The following SLC4A5 variants were observed in gnomAD, a reference collection of about 807,000 sequenced individuals.
SLC4A5 encodes the protein solute carrier family 4 member 5.
In SLC4A5, 96 loss-of-function variants were observed where a neutral mutation model predicts 120.4. The ratio of observed to expected loss-of-function variants is 0.80; its 90% CI spans 0.68 to 0.94. The LOEUF (loss-of-function observed/expected upper bound fraction) is 0.94. SLC4A5 is among the 40% of genes least tolerant of loss of function. The pLI is 0.00. For synonymous variants in SLC4A5, 550 were observed against 571.1 expected (o/e 0.96, Z 0.53); for missense variants, 1,259 against 1,459.5 (o/e 0.86, Z 2.24).
At chr2:74,264,796 C>T (rs1368030721) in intron 9 of SLC4A5, among the ~76,000 whole-genome samples, 1 of 152,116 alleles carries the variant, frequency 6.6e-6, no homozygotes, top group African/African-American at 2.4e-5. Flanking sequence ...CCATTTTACC[C>T]TGAAAAGAAA....
chr2:74,275,880 C>A (rs1318231359), intron 8 of SLC4A5, among the ~76,000 whole-genome samples: 1 of 152,190 alleles, frequency 6.6e-6, no homozygotes, highest in Non-Finnish European at 1.5e-5. Flanking sequence ...CAAGGTCATG[C>A]AGCTCATAAG....
chr2:74,264,731 C>T (rs1167184219), intron 9 of SLC4A5, among the ~76,000 whole-genome samples: 1 of 152,108 alleles, frequency 6.6e-6, no homozygotes, highest in Non-Finnish European at 1.5e-5. Flanking sequence ...CAAGCCAACT[C>T]CTCCCTTCGA....
At chr2:74,226,341 C>T (rs915480589) in intron 27 of SLC4A5, among the ~76,000 whole-genome samples, 4 of 152,190 alleles carry the variant, frequency 2.6e-5, no homozygotes, top group East Asian at 1.9e-4. Context: ...TCACTGCCCT[C>T]GGTGAGTTAT....
At chr2:74,233,280 T>C (rs1004324198) in intron 23 of SLC4A5, 122 bp downstream of exon 23, 24 of 1,167,228 alleles carry the variant, frequency 2.1e-5, no homozygotes, top group Non-Finnish European at 3.0e-5. Flanking sequence ...GTGGGAACTC[T>C]AGTCTCTGTC....
chr2:74,239,352 G>A lies in SLC4A5; in HGVS notation c.2302C>T (p.Arg768Cys), dbSNP rs79071735. Reference sequence around the variant, plus strand: ...GAGCTTACCTTGGTAGGAAAATAGCGGCTGAATTTGAACTTCTTCAGGGTC... The same window carrying A: ...GAGCTTACCTTGGTAGGAAAATAGCAGCTGAATTTGAACTTCTTCAGGGTC... Residue 768 changes from arginine to cysteine, a missense_variant, in exon 21 of 31, where the codon CGC becomes TGC. Physicochemically the swap from Arg to Cys is radical, Grantham distance 180. Transcript: ENST00000394019. 1.0e-4 allele frequency: 167 copies of A among 1,614,156 alleles called. No homozygotes were observed. Among genetic ancestry groups the A allele is most frequent in the South Asian group, 2.5e-4 (23 of 91,080 alleles).
intron 4 of SLC4A5, among the ~76,000 whole-genome samples, chr2:74,333,256 T>A (rs527492999): frequency 3.2e-4 from 48 of 152,250 alleles, no homozygotes; most frequent in African/African-American, 1.1e-3. Flanking sequence ...ACCCCAACTA[T>A]CAATGGTGCC....
intron 19 of SLC4A5, among the ~76,000 whole-genome samples, chr2:74,243,101 G>A (rs753397347): frequency 6.6e-6 from 1 of 152,216 alleles, no homozygotes; most frequent in African/African-American, 2.4e-5. Context: ...GCTGCTCTCA[G>A]CGGCTCTCTC....
In SLC4A5 at chr2:74,239,591, T is replaced by C. The variant is rs146761096; in HGVS notation, c.2119-56A>G. On this transcript the variant is annotated intron_variant, in intron 20 of 30. Transcript: ENST00000394019. ...CAGCATCTTCCTGATGAGTCAGCTG[T>C]GTCCTTCCCACTGCAGTCCCCAGGC... 2.9e-4 allele frequency: 449 copies of C among 1,569,780 alleles called. 1 individual carries two copies. The highest frequency in any genetic ancestry group is 2.7e-3 in the Middle Eastern group (13 of 4,756).
rs886401250 is a variant in SLC4A5, at chr2:74,328,160, G to A, written c.-43C>T. 4.1e-6 allele frequency: 4 copies of A among 985,762 alleles called. No individual in the cohort carries two copies. In the African/African-American group the frequency reaches 7.0e-5, roughly 17 times the overall value. 61.1% of individuals were successfully genotyped at this position (985,762 alleles called of 1,614,324 possible). A position where few individuals can be genotyped will look rare whatever the true frequency, so the allele number is the denominator to read the frequency against. ...TCTGGAAACCAGGATCCAAATCCCAGGGAGGCCAGAACCACTTGCTCTGTT... is the reference window on the plus strand; with the variant it reads ...TCTGGAAACCAGGATCCAAATCCCAAGGAGGCCAGAACCACTTGCTCTGTT... On this transcript the variant is annotated 5_prime_UTR_variant, in exon 5 of 31. Coordinates refer to ENST00000394019, the Ensembl canonical transcript of SLC4A5.
chr2:74,252,269 C>T, exon 16 of SLC4A5: 1 of 1,608,100 alleles, frequency 6.2e-7, no homozygotes, highest in Non-Finnish European at 8.5e-7. Flanking sequence ...CCCGCCACTG[C>T]CAGCCCCGCC....
At chr2:74,222,913 C>G (rs1346053543) in exon 29 of SLC4A5, 1 of 1,613,444 alleles carries the variant, frequency 6.2e-7, no homozygotes, top group Non-Finnish European at 8.5e-7. Flanking sequence ...TGGACACTTT[C>G]CATGGGAATC....
At chr2:74,290,261 T>C (rs1432593549) in intron 7 of SLC4A5, 1 of 985,452 alleles carries the variant, frequency 1.0e-6, no homozygotes, top group Non-Finnish European at 1.2e-6. Context: ...CTGGAACAGC[T>C]GAGCGCTGGG....
At position 74,259,656 on chromosome 2, in the gene SLC4A5, G is replaced by A. The variant is rs747827399; in HGVS notation, c.812-13C>T. The A allele has an allele frequency of 8.1e-6, 13 of 1,614,122 alleles. No homozygotes were observed. Among genetic ancestry groups the A allele is most frequent in the Non-Finnish European group, 1.1e-5 (13 of 1,179,998 alleles). On this transcript the variant is annotated splice_polypyrimidine_tract_variant and intron_variant, in intron 11 of 30. Coordinates refer to ENST00000394019, the Ensembl canonical transcript of SLC4A5. ...CTCTGGGCATGACCTAGGAGAAAAG[G>A]AAAAGAAGATCCATCAGGGGAAGCC...
chr2:74,262,437 C>T (rs1289058570), intron 10 of SLC4A5, among the ~76,000 whole-genome samples: 1 of 150,294 alleles, frequency 6.7e-6, no homozygotes, highest in Non-Finnish European at 1.5e-5. Context: ...CGATGGCTCA[C>T]GCCTGTAATC....
At chr2:74,230,415 G>A (rs1034580834) in intron 25 of SLC4A5, among the ~76,000 whole-genome samples, 1 of 152,118 alleles carries the variant, frequency 6.6e-6, no homozygotes, top group African/African-American at 2.4e-5. Flanking sequence ...TGGGACATAA[G>A]CAAGAGGAGC....
chr2:74,223,947 T>C (rs777543742), intron 28 of SLC4A5, among the ~76,000 whole-genome samples: 32 of 152,210 alleles, frequency 2.1e-4, no homozygotes, highest in Non-Finnish European at 4.0e-4. Context: ...ACAGGGTGGA[T>C]GCAGGGACGT....
intron 4 of SLC4A5, among the ~76,000 whole-genome samples, chr2:74,332,124 C>A (rs558360214): frequency 6.6e-6 from 1 of 152,290 alleles, no homozygotes; most frequent in Admixed American, 6.5e-5. Context: ...TTAGTTCCAG[C>A]TGCTGGACTT....
At chr2:74,331,755 C>CTGCA (rs1441402590) in intron 4 of SLC4A5, among the ~76,000 whole-genome samples, 1 of 152,098 alleles carries the variant, frequency 6.6e-6, no homozygotes, top group African/African-American at 2.4e-5. Flanking sequence ...TCTGTCCTTG[C>CTGCA]TGCAGCCTTG....
intron 5 of SLC4A5, among the ~76,000 whole-genome samples, chr2:74,323,189 G>T (rs531076531): frequency 6.6e-6 from 1 of 152,230 alleles, no homozygotes; most frequent in African/African-American, 2.4e-5. Flanking sequence ...GCAGTGAGCT[G>T]AGATTGTGCC....
Sources: allele counts gnomAD v4.1 joint callset (sites outside exome capture counted in the v4.1 genomes callset), GRCh38; gene constraint gnomAD v4.1.1; transcripts MANE v1.5; gene names NCBI Gene and HGNC (gene_info 2026-07-23, HGNC 2026-07-21).